TNFSF4: variants seen among roughly 807,000 people sequenced by gnomAD.
TNFSF4 encodes the protein TNF superfamily member 4.
A neutral mutation model predicts 7.3 loss-of-function variants in TNFSF4; 4 were observed. That is an observed-to-expected ratio of 0.55 (90% CI 0.27 to 1.25). The LOEUF (loss-of-function observed/expected upper bound fraction) is 1.25. Among genes scored for constraint, TNFSF4 ranks in the 50% most tolerant of loss-of-function variants. TNFSF4 has a pLI of 0.12. For synonymous variants in TNFSF4, 76 were observed against 83.7 expected (o/e 0.91, Z 0.50); for missense variants, 181 against 208.8 (o/e 0.87, Z 0.82).
the TNFSF4 span, among the ~76,000 whole-genome samples, chr1:173,384,484 A>G: frequency 6.6e-6 from 1 of 152,096 alleles, no homozygotes; most frequent in African/African-American, 2.4e-5. Flanking sequence ...CAAAAAACAC[A>G]TTTATTTTAT....
At chr1:173,285,903 A>G in the TNFSF4 span, among the ~76,000 whole-genome samples, 3 of 152,204 alleles carry the variant, frequency 2.0e-5, no homozygotes, top group Admixed American at 1.3e-4. Flanking sequence ...AGGTATGCCT[A>G]TAATTTCAAC....
the TNFSF4 span, among the ~76,000 whole-genome samples, chr1:173,395,747 CTT>C: frequency 6.6e-6 from 1 of 151,994 alleles, no homozygotes; most frequent in South Asian, 2.1e-4. Context: ...AGTGTAGAAT[CTT>C]ATAAATTGGG....
the TNFSF4 span, among the ~76,000 whole-genome samples, chr1:173,433,539 A>G: frequency 2.8e-4 from 36 of 130,294 alleles, no homozygotes; most frequent in African/African-American, 1.0e-3. Context: ...TACAAAAAAT[A>G]CAAAAAAAAA....
chr1:173,329,775 C>G, the TNFSF4 span, among the ~76,000 whole-genome samples: 6 of 150,942 alleles, frequency 4.0e-5, no homozygotes, highest in Non-Finnish European at 7.4e-5. Flanking sequence ...TAAGAAATTT[C>G]AAGAAGAAAT....
chr1:173,239,918 G>C, the TNFSF4 span, among the ~76,000 whole-genome samples: 1 of 152,224 alleles, frequency 6.6e-6, no homozygotes, highest in African/African-American at 2.4e-5. Flanking sequence ...TGTAATCCCA[G>C]CTACTTGGAA....
rs574606163 is a variant in TNFSF4 at position 173,198,151 on chromosome 1, G to T, written c.153+8873C>A. On this transcript the variant is annotated intron_variant, in intron 1 of 2. Transcript: ENST00000281834. The stretch of plus-strand genomic sequence containing the variant: ...ATCTGATTTGCTATATAACAAGGAG[G>T]GAATATAGTCTTGAGAAGGCAACCT... 7.5e-4 allele frequency among the ~76,000 whole-genome samples: 114 copies of T among 152,248 alleles called. 3 individuals carry two copies. In the South Asian group the frequency reaches 0.013, roughly 18 times the overall value.
intron 1 of TNFSF4, among the ~76,000 whole-genome samples, chr1:173,200,996 G>T (rs1571200394): frequency 6.6e-6 from 1 of 152,184 alleles, no homozygotes; most frequent in African/African-American, 2.4e-5. Flanking sequence ...ACTGAAAAAA[G>T]ATTTTAGTTA....
At chr1:173,390,737 CT>C in the TNFSF4 span, among the ~76,000 whole-genome samples, 442 of 131,594 alleles carry the variant, frequency 3.4e-3, 3 homozygotes, top group Middle Eastern at 0.012. Context: ...CATTCTGCTT[CT>C]TTTTTTTTTT....
At chr1:173,251,606 G>A in the TNFSF4 span, among the ~76,000 whole-genome samples, 1 of 152,190 alleles carries the variant, frequency 6.6e-6, no homozygotes, top group East Asian at 1.9e-4. Context: ...AGCCCTTGCA[G>A]CTGTGTGACC....
the TNFSF4 span, among the ~76,000 whole-genome samples, chr1:173,307,694 T>C: frequency 2.0e-5 from 3 of 151,866 alleles, no homozygotes; most frequent in African/African-American, 7.2e-5. Context: ...AGGGACATGA[T>C]ATACTAATAT....
chr1:173,176,235 G>C, the TNFSF4 span, among the ~76,000 whole-genome samples: 1 of 151,888 alleles, frequency 6.6e-6, no homozygotes, highest in Non-Finnish European at 1.5e-5. Flanking sequence ...TGGGCCCTTC[G>C]ATAATTATTT....
At chr1:173,251,698 T>TAAAGGGAATAC in the TNFSF4 span, among the ~76,000 whole-genome samples, 1 of 152,202 alleles carries the variant, frequency 6.6e-6, no homozygotes, top group Non-Finnish European at 1.5e-5. Flanking sequence ...ATAGAGGTAT[T>TAAAGGGAATAC]CTAAGGATTA....
chr1:173,363,885 C>A, the TNFSF4 span, among the ~76,000 whole-genome samples: 1 of 152,190 alleles, frequency 6.6e-6, no homozygotes, highest in African/African-American at 2.4e-5. Context: ...AAACCCCTGC[C>A]ACACACTGGT....
chr1:173,197,089 G>A (rs1302659173), intron 1 of TNFSF4, among the ~76,000 whole-genome samples: 1 of 152,168 alleles, frequency 6.6e-6, no homozygotes, highest in Non-Finnish European at 1.5e-5. Flanking sequence ...TCTAACACTG[G>A]CTCTAGTCAA....
the TNFSF4 span, among the ~76,000 whole-genome samples, chr1:173,288,335 C>T: frequency 6.6e-6 from 1 of 152,066 alleles, no homozygotes; most frequent in Non-Finnish European, 1.5e-5. Flanking sequence ...ACTTGGGGGG[C>T]TGAAGCGGGA....
chr1:173,319,809 C>G, the TNFSF4 span, among the ~76,000 whole-genome samples: 1 of 152,192 alleles, frequency 6.6e-6, no homozygotes, highest in South Asian at 2.1e-4. Flanking sequence ...AGAACAGCAA[C>G]ACCAACAAAG....
At chr1:173,389,057 A>AT in the TNFSF4 span, among the ~76,000 whole-genome samples, 4 of 152,208 alleles carry the variant, frequency 2.6e-5, no homozygotes, top group Non-Finnish European at 5.9e-5. Flanking sequence ...TGCATTACAT[A>AT]TTTTTTCTTT....
the TNFSF4 span, among the ~76,000 whole-genome samples, chr1:173,284,355 T>TAAGG: frequency 6.6e-6 from 1 of 152,132 alleles, no homozygotes; most frequent in East Asian, 1.9e-4. Context: ...TCATGAGGTT[T>TAAGG]AAGGAAGGAA....
At chr1:173,277,541 C>T in the TNFSF4 span, among the ~76,000 whole-genome samples, 1 of 152,102 alleles carries the variant, frequency 6.6e-6, no homozygotes, top group African/African-American at 2.4e-5. Flanking sequence ...AGTTACTTAG[C>T]ATAAAGCTGG....
Sources: gnomAD v4.1 joint callset for allele counts (sites outside exome capture counted in the v4.1 genomes callset) on GRCh38, gnomAD v4.1.1 for gene constraint, MANE v1.5 for transcripts, NCBI Gene and HGNC (gene_info 2026-07-23, HGNC 2026-07-21) for gene names.